Variants in NPAS2 observed in about 807,000 individuals in gnomAD.
The protein encoded by NPAS2 is neuronal PAS domain protein 2.
In NPAS2, 23 loss-of-function variants were observed where a neutral mutation model predicts 107.5. The observed-to-expected ratio is 0.21, with a 90% CI of 0.15 to 0.30. NPAS2 has a LOEUF of 0.30. Ranked by LOEUF, NPAS2 falls within the 10% of genes least tolerant of loss-of-function variation. The pLI, the probability that NPAS2 is intolerant of heterozygous loss-of-function variation, is 1.00. For missense variants in NPAS2, 756 were observed against 1,043.3 expected, an observed-to-expected ratio of 0.72 and a Z score of 3.79; for synonymous variants, 403 against 417.5, an observed-to-expected ratio of 0.97 and a Z score of 0.42.
intron 1 of NPAS2, among the ~76,000 whole-genome samples, chr2:100,895,767 G>A (rs760615775): frequency 3.3e-5 from 5 of 152,174 alleles, no homozygotes; most frequent in Non-Finnish European, 7.4e-5. Flanking sequence ...GTCCCTAGGG[G>A]TGGGGCAGAC....
chr2:100,945,450 G>A (rs1331699953), intron 5 of NPAS2, among the ~76,000 whole-genome samples: 1 of 152,182 alleles, frequency 6.6e-6, no homozygotes, highest in African/African-American at 2.4e-5. Context: ...TGTCTCTCTT[G>A]GGACCCTGGC....
chr2:100,926,324 G>C (rs1683558002), intron 3 of NPAS2, among the ~76,000 whole-genome samples: 1 of 152,156 alleles, frequency 6.6e-6, no homozygotes, highest in African/African-American at 2.4e-5. Context: ...TTAAATGGTA[G>C]TGTTTAGCTT....
In NPAS2 at chr2:100,820,583, A is replaced by T. The variant is rs1676015495; in HGVS notation, c.-23+169A>T. ...GGACCCCGGACGCGGGGGCGCGGAGAGGTGGGTTCCCCTCCACAGTCAGGC... is the reference window on the plus strand; with the variant it reads ...GGACCCCGGACGCGGGGGCGCGGAGTGGTGGGTTCCCCTCCACAGTCAGGC... On this transcript the variant is annotated intron_variant, in intron 1 of 20. Transcript: ENST00000335681. This position sits in a 1 kb window ranked among gnomAD's most constrained non-coding sequence, Gnocchi z 5.6. Among the ~76,000 whole-genome samples, 10 of 151,870 alleles carry T rather than the reference A, an allele frequency of 6.6e-5. No individual in the cohort carries two copies. The highest frequency in any genetic ancestry group is 6.5e-4 in the Admixed American group (10 of 15,288).
chr2:100,844,791 G>A (rs761846139), intron 1 of NPAS2, among the ~76,000 whole-genome samples: 3 of 152,172 alleles, frequency 2.0e-5, no homozygotes, highest in African/African-American at 4.8e-5. Context: ...CCTCTTTCCA[G>A]AGCAACAGTT....
intron 6 of NPAS2, 61 bp downstream of exon 6, chr2:100,948,416 G>A (rs971390001): frequency 2.0e-6 from 3 of 1,471,674 alleles, no homozygotes; most frequent in East Asian, 4.6e-5. Flanking sequence ...TTTGAAAGGA[G>A]GTTAGAATGA....
intron 1 of NPAS2, among the ~76,000 whole-genome samples, chr2:100,854,860 G>A (rs1204640243): frequency 6.6e-6 from 1 of 152,236 alleles, no homozygotes; most frequent in Non-Finnish European, 1.5e-5. Flanking sequence ...TGTGCACAGT[G>A]TGGCTATTGA....
rs1274652529 is a variant in NPAS2, at chr2:100,987,921, G to A, written c.1630-158G>A. 6.6e-6 allele frequency: 5 copies of A among 761,754 alleles called. No individual in the cohort carries two copies. In the African/African-American group the frequency reaches 8.7e-5, roughly 13 times the overall value. The allele number at this position is 761,754 out of a possible 1,614,324, so 47.2% of individuals were successfully genotyped here. ...GCCAGTGCCTGACACTGAGCTTGGG[G>A]CATCACAGGTGCTCCATGTCCACCA... On this transcript the variant is annotated intron_variant, in intron 16 of 20. Transcript: ENST00000335681.
chr2:100,995,584 G>A lies in NPAS2; in HGVS notation c.*2G>A, dbSNP rs756261756. ...GGCCTCCAGCAGCCGCCCCGATAAT[G>A]CCCCGGCACTGAAGTCGGGACACAA... On this transcript the variant is annotated 3_prime_UTR_variant, in exon 21 of 21. Coordinates refer to ENST00000335681, the MANE Select transcript of NPAS2 (RefSeq NM_002518.4). 1.2e-6 allele frequency: 2 copies of A among 1,603,318 alleles called. No homozygotes were observed. Among genetic ancestry groups the A allele is most frequent in the East Asian group, 2.2e-5 (1 of 44,712 alleles).
intron 3 of NPAS2, among the ~76,000 whole-genome samples, chr2:100,931,056 TC>T (rs1188858020): frequency 2.6e-5 from 4 of 152,192 alleles, no homozygotes; most frequent in Non-Finnish European, 4.4e-5. Context: ...CACCCTCTCT[TC>T]CTTGCCTCAG....
rs909638461 is a variant in NPAS2, at chr2:100,996,012, G to T, written c.*430G>T. 3.4e-6 allele frequency: 4 copies of T among 1,163,882 alleles called. No individual in the cohort carries two copies. Among genetic ancestry groups the T allele is most frequent in the Admixed American group, 6.9e-5 (2 of 28,896 alleles). The allele number at this position is 1,163,882 out of a possible 1,614,324, so 72.1% of individuals were successfully genotyped here. ...TGGAGAAGGACTGGGTCAGAGATCT[G>T]TTGGAGAGAGAGAATAAAGAGATTA... On this transcript the variant is annotated 3_prime_UTR_variant, in exon 21 of 21. Transcript: ENST00000335681.
chr2:100,831,035 C>T (rs914534218), intron 1 of NPAS2, among the ~76,000 whole-genome samples: 4 of 152,192 alleles, frequency 2.6e-5, no homozygotes, highest in African/African-American at 4.8e-5. Flanking sequence ...CACAGTGGCT[C>T]ATGCCTGTAA....
At chr2:100,957,878 A>C (rs1295203045) in intron 7 of NPAS2, among the ~76,000 whole-genome samples, 1 of 152,172 alleles carries the variant, frequency 6.6e-6, no homozygotes, top group Non-Finnish European at 1.5e-5. Flanking sequence ...CCGTGAGCTG[A>C]GATCGCGCCA....
intron 3 of NPAS2, among the ~76,000 whole-genome samples, chr2:100,930,557 A>G (rs541198491): frequency 4.6e-5 from 7 of 152,326 alleles, no homozygotes; most frequent in East Asian, 3.9e-4. Flanking sequence ...CACTTTTACC[A>G]TAACACTGAA....
In NPAS2 at chr2:100,979,655, A is replaced by T. The variant is rs189751666; in HGVS notation, c.1482+1856A>T. On this transcript the variant is annotated intron_variant, in intron 15 of 20. Coordinates refer to ENST00000335681, the MANE Select transcript of NPAS2 (RefSeq NM_002518.4). ...CAGCCTCCCAAGTAGCTGGGATTAC[A>T]GGAATGCACCACTACCAGGAATGCA... is the stretch of plus-strand genomic sequence containing the variant. Among the ~76,000 whole-genome samples the T allele has an allele frequency of 3.9e-3, 595 of 151,760 alleles. 9 individuals are homozygous for T. Among genetic ancestry groups the T allele is most frequent in the African/African-American group, 0.013 (547 of 41,368 alleles).
At chr2:100,845,678 C>A (rs1247750135) in intron 1 of NPAS2, among the ~76,000 whole-genome samples, 1 of 152,170 alleles carries the variant, frequency 6.6e-6, no homozygotes, top group African/African-American at 2.4e-5. Flanking sequence ...GTGCTGTGAG[C>A]TCCTAACTGC....
At chr2:100,934,873 A>G (rs773055858) in intron 4 of NPAS2, 15 of 985,264 alleles carry the variant, frequency 1.5e-5, no homozygotes, top group Non-Finnish European at 1.7e-5. Flanking sequence ...CATTTCAGAG[A>G]CTGTGAAGAA....
At position 100,873,332 on chromosome 2, in the gene NPAS2, ACACAC is replaced by A. The variant is rs1296171737; in HGVS notation, c.-22-31400_-22-31396del. 2.1e-5 allele frequency among the ~76,000 whole-genome samples: 3 copies of A among 141,268 alleles called. No homozygotes were observed. In the East Asian group the frequency reaches 6.1e-4, roughly 29 times the overall value. 92.7% of individuals were successfully genotyped at this position (141,268 alleles called of 152,430 possible). ...TACACACACACACACACACACACAC[ACACAC>A]ACACATATATACATACACACATATG... is the stretch of plus-strand genomic sequence containing the variant. On this transcript the variant is annotated intron_variant, in intron 1 of 20. Transcript: ENST00000335681.
At chr2:100,913,503 G>A (rs1255200952) in intron 2 of NPAS2, among the ~76,000 whole-genome samples, 1 of 152,156 alleles carries the variant, frequency 6.6e-6, no homozygotes, top group Non-Finnish European at 1.5e-5. Flanking sequence ...TTAGTAGCAG[G>A]GAAGCCTGAT....
chr2:100,831,227 C>T (rs1239010293), intron 1 of NPAS2, among the ~76,000 whole-genome samples: 3 of 152,018 alleles, frequency 2.0e-5, no homozygotes, highest in African/African-American at 4.8e-5. Context: ...ACCCAGGAGG[C>T]GGAGGTTGCG....
Sources: gnomAD v4.1 joint callset for allele counts (sites outside exome capture counted in the v4.1 genomes callset) on GRCh38, gnomAD v4.1.1 for gene constraint, Gnocchi (gnomAD v3.1) non-coding constraint, MANE v1.5 for transcripts, NCBI Gene and HGNC (gene_info 2026-07-23, HGNC 2026-07-21) for gene names.